The following SLC2A9 variants were observed in gnomAD, a reference collection of about 807,000 sequenced individuals.
The protein encoded by SLC2A9 is solute carrier family 2 member 9.
A neutral mutation model predicts 50.6 loss-of-function variants in SLC2A9; 39 were observed. That is an observed-to-expected ratio of 0.77 (90% CI 0.60 to 1.01). The LOEUF (loss-of-function observed/expected upper bound fraction) is 1.01, where lower values mean the gene tolerates loss of function less well. SLC2A9 is among the 50% of genes least tolerant of loss of function. The pLI is 0.00. For synonymous variants in SLC2A9, 324 were observed against 276.9 expected (o/e 1.17, Z -1.69); for missense variants, 686 against 677.6 (o/e 1.01, Z -0.14).
At chr4:9,860,248 C>T (rs992411087) in intron 10 of SLC2A9, among the ~76,000 whole-genome samples, 1 of 152,186 alleles carries the variant, frequency 6.6e-6, no homozygotes, top group African/African-American at 2.4e-5. Flanking sequence ...TACCTCTTCC[C>T]TGCCTTCGAG....
At chr4:9,819,266 C>A (rs1560149278) in intron 3 of SLC2A9, among the ~76,000 whole-genome samples, 4 of 152,150 alleles carry the variant, frequency 2.6e-5, no homozygotes. Flanking sequence ...CTCTGCTACT[C>A]CACTGGCTGT....
At chr4:9,791,997 C>T (rs191688821) in intron 3 of SLC2A9, among the ~76,000 whole-genome samples, 5 of 152,080 alleles carry the variant, frequency 3.3e-5, no homozygotes, top group African/African-American at 1.2e-4. Context: ...CTTTGTAAAC[C>T]TTTTTCCATT....
intron 3 of SLC2A9, among the ~76,000 whole-genome samples, chr4:9,817,393 T>C (rs939266968): frequency 3.3e-5 from 5 of 152,240 alleles, no homozygotes; most frequent in Admixed American, 3.3e-4. Context: ...CCAGGTACTA[T>C]GTTGGCTGAA....
At chr4:9,792,142 G>A (rs1719997505) in intron 3 of SLC2A9, among the ~76,000 whole-genome samples, 1 of 144,660 alleles carries the variant, frequency 6.9e-6, no homozygotes, top group African/African-American at 2.5e-5. Flanking sequence ...CAAACCAGGA[G>A]ATGTTTTCTA....
intron 3 of SLC2A9, chr4:9,780,093 G>C (rs1024891974): frequency 1.3e-5 from 2 of 152,304 alleles, no homozygotes; most frequent in African/African-American, 4.8e-5. Context: ...GGCAATATGA[G>C]GAAAAGACCT....
At chr4:9,860,352 A>T (rs745332210) in intron 10 of SLC2A9, among the ~76,000 whole-genome samples, 2 of 152,202 alleles carry the variant, frequency 1.3e-5, no homozygotes, top group African/African-American at 2.4e-5. Context: ...ATCCTTATGG[A>T]TTCATGAGTG....
chr4:9,771,626 T>C (rs1245301940), intron 1 of SLC2A9, among the ~76,000 whole-genome samples: 2 of 152,234 alleles, frequency 1.3e-5, no homozygotes, highest in Non-Finnish European at 2.9e-5. Flanking sequence ...TAAGATGACT[T>C]CACCTTGAGT....
intron 3 of SLC2A9, among the ~76,000 whole-genome samples, chr4:9,992,763 G>A (rs1052350446): frequency 6.6e-6 from 1 of 152,202 alleles, no homozygotes; most frequent in Non-Finnish European, 1.5e-5. Flanking sequence ...TAGTTATTGT[G>A]AGCCAAGTAA....
At chr4:9,890,944 C>T (rs1737291783) in intron 8 of SLC2A9, among the ~76,000 whole-genome samples, 1 of 152,218 alleles carries the variant, frequency 6.6e-6, no homozygotes, top group African/African-American at 2.4e-5. Context: ...TAATAACGAG[C>T]ACTCTCCTCC....
intron 3 of SLC2A9, among the ~76,000 whole-genome samples, chr4:9,786,503 A>C (rs180778966): frequency 1.3e-5 from 2 of 152,340 alleles, no homozygotes; most frequent in Admixed American, 1.3e-4. Context: ...GCTATACAAC[A>C]GCAGATCTTC....
chr4:10,029,772 A>G lies in SLC2A9; in HGVS notation c.-40-3766T>C, dbSNP rs549415819. Among the ~76,000 whole-genome samples, 75 of 151,778 alleles carry G rather than the reference A, an allele frequency of 4.9e-4. No homozygotes were observed. The South Asian group carries it at 0.015, about 30-fold the overall frequency. On this transcript the variant is annotated intron_variant, in intron 1 of 12. Transcript: ENST00000309065. ...GCTGGGTTTATAGGCACCCGCCACCATGCCTGGCTAATTTTTGTTTTTGTT... is the reference window on the plus strand; with the variant it reads ...GCTGGGTTTATAGGCACCCGCCACCGTGCCTGGCTAATTTTTGTTTTTGTT...
intron 8 of SLC2A9, among the ~76,000 whole-genome samples, chr4:9,892,031 C>T (rs1737555751): frequency 6.6e-6 from 1 of 152,230 alleles, no homozygotes; most frequent in Non-Finnish European, 1.5e-5. Flanking sequence ...TGCAGGGACC[C>T]CAGTGCCCTC....
At chr4:9,833,375 T>C (rs16889264) in intron 11 of SLC2A9, among the ~76,000 whole-genome samples, 2,894 of 152,186 alleles carry the variant, frequency 0.019, 38 homozygotes, top group East Asian at 0.059. Context: ...TAGCAAGTGA[T>C]GGATGGAGAG....
intron 10 of SLC2A9, among the ~76,000 whole-genome samples, chr4:9,877,507 T>C (rs978104802): frequency 1.3e-5 from 2 of 152,242 alleles, no homozygotes; most frequent in South Asian, 2.1e-4. Context: ...GGATCATGTA[T>C]GAACAATGTT....
chr4:9,804,809 G>A (rs1458605473), intron 3 of SLC2A9, among the ~76,000 whole-genome samples: 1 of 152,186 alleles, frequency 6.6e-6, no homozygotes, highest in Non-Finnish European at 1.5e-5. Flanking sequence ...TCGCCACTTT[G>A]TTAGGGTAGA....
intron 2 of SLC2A9, among the ~76,000 whole-genome samples, chr4:9,998,284 T>C (rs1759102173): frequency 6.6e-6 from 1 of 152,198 alleles, no homozygotes; most frequent in African/African-American, 2.4e-5. Context: ...TATATGACAC[T>C]GCAGAAAAAG....
chr4:10,005,641 G>A (rs114727892), intron 2 of SLC2A9, among the ~76,000 whole-genome samples: 4,647 of 152,276 alleles, frequency 0.031, 242 homozygotes, highest in African/African-American at 0.11. Flanking sequence ...GTTACGGCTA[G>A]TACTAACTAC....
chr4:9,858,343 T>C (rs1731069924), intron 10 of SLC2A9, among the ~76,000 whole-genome samples: 1 of 152,226 alleles, frequency 6.6e-6, no homozygotes, highest in African/African-American at 2.4e-5. Flanking sequence ...AGTGTCTTTG[T>C]GACTGTCTAG....
Position 10,036,093 on chromosome 4 carries a change from CCCATCCAT to C in SLC2A9, c.-41+4029_-41+4036del, listed in dbSNP as rs372044492. 2.2e-3 allele frequency: 413 copies of C among 187,480 alleles called. 1 individual carries two copies. Among genetic ancestry groups the C allele is most frequent in the South Asian group, 0.011 (88 of 7,790 alleles). The allele number at this position is 187,480 out of a possible 1,614,324, so 11.6% of individuals were successfully genotyped here. ...CATGTGAGCCAATTCCATAATAAAT[CCCATCCAT>C]CCATCCATCCATCCATCTAGCTAGT... On this transcript the variant is annotated intron_variant, in intron 1 of 12. Coordinates refer to the SLC2A9 transcript ENST00000309065.
Sources: gnomAD v4.1 joint callset for allele counts (sites outside exome capture counted in the v4.1 genomes callset) on GRCh38, gnomAD v4.1.1 for gene constraint, MANE v1.5 for transcripts, NCBI Gene and HGNC (gene_info 2026-07-23, HGNC 2026-07-21) for gene names.